Variants in CA10 observed in about 807,000 individuals in gnomAD.
CA10 encodes the protein carbonic anhydrase-related protein 10.
A neutral mutation model predicts 44.2 loss-of-function variants in CA10; 14 were observed. The observed-to-expected ratio is 0.32, with a 90% CI of 0.21 to 0.50. The LOEUF (loss-of-function observed/expected upper bound fraction) is 0.50, where lower values mean the gene tolerates loss of function less well. CA10 is among the 20% of genes least tolerant of loss of function. The pLI is 0.99. For missense variants in CA10, 350 were observed against 409.7 expected (o/e 0.85, Z 1.26); for synonymous variants, 159 against 141.6 (o/e 1.12, Z -0.87).
chr17:51,922,141 A>C (rs909987519), intron 3 of CA10, among the ~76,000 whole-genome samples: 2 of 152,136 alleles, frequency 1.3e-5, no homozygotes, highest in African/African-American at 4.8e-5. Context: ...GCATTTTTTC[A>C]TATAATTCTC....
At chr17:52,146,810 T>G (rs909489566) in intron 1 of CA10, among the ~76,000 whole-genome samples, 1 of 152,100 alleles carries the variant, frequency 6.6e-6, no homozygotes. Flanking sequence ...TCCTCTACAC[T>G]TTTTTTCCCC....
intron 3 of CA10, among the ~76,000 whole-genome samples, chr17:51,882,796 C>T (rs530159920): frequency 6.6e-6 from 1 of 152,302 alleles, no homozygotes; most frequent in African/African-American, 2.4e-5. Flanking sequence ...TTGCCATCCT[C>T]CTTCCCTCTC....
chr17:51,906,845 G>T (rs64636), intron 3 of CA10, among the ~76,000 whole-genome samples: 98,358 of 151,866 alleles, frequency 0.65, 32,243 homozygotes, highest in Non-Finnish European at 0.69. Context: ...TGCATGTCCT[G>T]CTTGCCCTAC....
intron 3 of CA10, among the ~76,000 whole-genome samples, chr17:51,800,856 A>G (rs1906899807): frequency 6.6e-6 from 1 of 152,180 alleles, no homozygotes; most frequent in South Asian, 2.1e-4. Context: ...TTCCTAGATT[A>G]ATGGATTTTG....
intron 3 of CA10, among the ~76,000 whole-genome samples, chr17:51,798,273 A>T (rs1906793289): frequency 6.6e-6 from 1 of 152,222 alleles, no homozygotes; most frequent in South Asian, 2.1e-4. Flanking sequence ...TTAGGTGGGC[A>T]CCTCAAGGCG....
chr17:51,657,260 A>T (rs1426386856), intron 4 of CA10, among the ~76,000 whole-genome samples: 1 of 152,204 alleles, frequency 6.6e-6, no homozygotes. Context: ...GTAAGAACAC[A>T]GTTTGGGCAT....
intron 3 of CA10, among the ~76,000 whole-genome samples, chr17:51,872,779 T>C (rs528453309): frequency 1.6e-4 from 24 of 152,302 alleles, no homozygotes; most frequent in Admixed American, 8.5e-4. Flanking sequence ...TCACAGAGAC[T>C]GGTAAAGGCT....
At chr17:51,873,106 G>T (rs568563596) in intron 3 of CA10, among the ~76,000 whole-genome samples, 45 of 152,222 alleles carry the variant, frequency 3.0e-4, no homozygotes, top group African/African-American at 1.1e-3. Context: ...TGTGGGATTT[G>T]AGGGAAGTTA....
intron 2 of CA10, among the ~76,000 whole-genome samples, chr17:51,969,564 GA>G (rs1984204637): frequency 6.6e-6 from 1 of 152,002 alleles, no homozygotes; most frequent in African/African-American, 2.4e-5. Context: ...GTCCCCTCTA[GA>G]ACGTCTTCCC....
chr17:51,996,693 C>T (rs1469168814), intron 2 of CA10, among the ~76,000 whole-genome samples: 1 of 152,030 alleles, frequency 6.6e-6, no homozygotes, highest in Non-Finnish European at 1.5e-5. Context: ...CTGACTCCAT[C>T]TTCTTCATAA....
At chr17:51,849,322 A>G (rs1978685708) in intron 3 of CA10, among the ~76,000 whole-genome samples, 1 of 147,668 alleles carries the variant, frequency 6.8e-6, no homozygotes, top group African/African-American at 2.5e-5. Flanking sequence ...GCTCACATGC[A>G]TCACCTACCA....
chr17:51,902,511 T>C (rs1364830978), intron 3 of CA10, among the ~76,000 whole-genome samples: 2 of 152,126 alleles, frequency 1.3e-5, no homozygotes, highest in South Asian at 2.1e-4. Context: ...GCAGTGAGCA[T>C]AGTTACCTGC....
At chr17:51,982,081 T>C (rs1378610623) in intron 2 of CA10, among the ~76,000 whole-genome samples, 1 of 152,038 alleles carries the variant, frequency 6.6e-6, no homozygotes, top group Non-Finnish European at 1.5e-5. Context: ...TTTTAACTTA[T>C]ACTGTCAGAC....
intron 6 of CA10, among the ~76,000 whole-genome samples, chr17:51,637,689 A>C (rs1045561586): frequency 6.6e-6 from 1 of 152,252 alleles, no homozygotes; most frequent in Admixed American, 6.5e-5. Flanking sequence ...TGAGTCAGGC[A>C]GATAGTAACA....
At chr17:51,975,935 A>T (rs1984448891) in intron 2 of CA10, among the ~76,000 whole-genome samples, 1 of 152,034 alleles carries the variant, frequency 6.6e-6, no homozygotes, top group South Asian at 2.1e-4. Flanking sequence ...ATATTCTTTA[A>T]ACACAAAGAC....
intron 3 of CA10, among the ~76,000 whole-genome samples, chr17:51,910,034 C>T (rs552182381): frequency 3.9e-5 from 6 of 152,076 alleles, no homozygotes; most frequent in African/African-American, 4.8e-5. Flanking sequence ...TTATCGTCAT[C>T]GTTTCTTTTC....
intron 2 of CA10, among the ~76,000 whole-genome samples, chr17:52,008,137 C>T (rs1985664729): frequency 6.6e-6 from 1 of 151,666 alleles, no homozygotes; most frequent in South Asian, 2.1e-4. Context: ...GCCAGTTTTA[C>T]TTGTATTGAT....
At chr17:51,847,918 C>T (rs930176499) in intron 3 of CA10, among the ~76,000 whole-genome samples, 13 of 152,172 alleles carry the variant, frequency 8.5e-5, no homozygotes, top group Admixed American at 2.6e-4. Context: ...ACTTTCCAGA[C>T]GAGACCTTTT....
At chr17:51,883,216 A>G (rs1274828452) in intron 3 of CA10, among the ~76,000 whole-genome samples, 1 of 152,172 alleles carries the variant, frequency 6.6e-6, no homozygotes, top group Non-Finnish European at 1.5e-5. Context: ...ACTCATGCAA[A>G]TCAACTTAAA....
Sources: gnomAD v4.1 joint callset for allele counts (sites outside exome capture counted in the v4.1 genomes callset) on GRCh38, gnomAD v4.1.1 for gene constraint, MANE v1.5 for transcripts, NCBI Gene and HGNC (gene_info 2026-07-23, HGNC 2026-07-21) for gene names.